ULK2: variants seen among roughly 807,000 people sequenced by gnomAD.
ULK2 encodes the protein serine/threonine-protein kinase ULK2.
ULK2 carries 76 observed loss-of-function variants against 127.5 expected under a neutral mutation model. The ratio of observed to expected loss-of-function variants is 0.60; its 90% confidence interval spans 0.50 to 0.72. The LOEUF (loss-of-function observed/expected upper bound fraction) is 0.72, where lower values mean the gene tolerates loss of function less well. Ranked by LOEUF, ULK2 falls within the 30% of genes least tolerant of loss-of-function variation. The probability of loss-of-function intolerance (pLI) is 0.00; values close to 1 mark genes in which losing one functional copy is unlikely to be tolerated. For synonymous variants in ULK2, 452 were observed against 461.9 expected (o/e 0.98, Z 0.28); for missense variants, 1,144 against 1,295.9 (o/e 0.88, Z 1.80).
chr17:19,793,371 G>A (rs767082926), intron 20 of ULK2, among the ~76,000 whole-genome samples: 20 of 152,074 alleles, frequency 1.3e-4, no homozygotes, highest in East Asian at 3.9e-4. Context: ...ATGGTCAACC[G>A]AGTTTTGACA....
At chr17:19,801,382 G>C (rs2152386452) in intron 16 of ULK2, among the ~76,000 whole-genome samples, 1 of 152,248 alleles carries the variant, frequency 6.6e-6, no homozygotes, top group South Asian at 2.1e-4. Flanking sequence ...AGACCAGCCT[G>C]GGTAACATAG....
rs3884213 is a variant in ULK2 at position 19,823,126 on chromosome 17, A to ATTTTTTTTTT, written c.924+1958_924+1967dup. Reference sequence around the variant, plus strand: ...CAGTCATGCCCAGGCACGCCTGGCTATTTTTTTTTTTTTTTTTTTAGTAGA... The same window carrying ATTTTTTTTTT: ...CAGTCATGCCCAGGCACGCCTGGCTATTTTTTTTTTTTTTTTTTTTTTTTTTTTTAGTAGA... On this transcript the variant is annotated intron_variant, in intron 12 of 26. Transcript: ENST00000395544. Among the ~76,000 whole-genome samples the ATTTTTTTTTT allele has an allele frequency of 3.2e-3, 364 of 113,134 alleles. 39 individuals are homozygous for ATTTTTTTTTT. The highest frequency in any genetic ancestry group is 0.013 in the African/African-American group (344 of 26,242). The allele number at this position is 113,134 out of a possible 152,430, so 74.2% of individuals were successfully genotyped here.
intron 22 of ULK2, among the ~76,000 whole-genome samples, chr17:19,783,166 C>CA (rs2086955546): frequency 6.6e-6 from 1 of 152,084 alleles, no homozygotes; most frequent in Non-Finnish European, 1.5e-5. Context: ...CTGGAACATG[C>CA]AATAGAATGT....
intron 16 of ULK2, among the ~76,000 whole-genome samples, chr17:19,800,593 CTTCT>C (rs1291665273): frequency 1.3e-5 from 2 of 152,100 alleles, no homozygotes; most frequent in East Asian, 3.9e-4. Flanking sequence ...GCAATTTAAA[CTTCT>C]TTCTTTTTCT....
Position 19,780,515 on chromosome 17 carries a change from CTG to C in ULK2, c.2871_2872del (p.Asn957LysfsTer10). 6.2e-7 allele frequency: 1 copy of C among 1,613,634 alleles called. No homozygotes were observed. The highest frequency in any genetic ancestry group is 8.5e-7 in the Non-Finnish European group (1 of 1,179,878). On this transcript the variant is annotated frameshift_variant, in exon 25 of 27. Transcript: ENST00000395544. LOFTEE classifies it high-confidence loss of function. ...ATAGATGAGTTTCTCTGCAGTCACA[CTG>C]TTGATTTCATCAATAAACCTCTGTT... is the stretch of plus-strand genomic sequence containing the variant.
intron 10 of ULK2, among the ~76,000 whole-genome samples, chr17:19,829,190 A>G (rs2041369071): frequency 6.6e-6 from 1 of 152,238 alleles, no homozygotes; most frequent in East Asian, 1.9e-4. Context: ...GGCAAAGTTG[A>G]CTATCAGACA....
rs1322229407 is a variant in ULK2, at chr17:19,816,730, A to C, written c.1096+19T>G. On this transcript the variant is annotated intron_variant, in intron 13 of 26. Transcript: ENST00000395544. ...GTAGATTAAGAAATACAATGTGTAC[A>C]AGTAGAAAAGATTCTCACATGAGTG... 2 of 1,549,042 alleles carry C rather than the reference A, an allele frequency of 1.3e-6. No homozygotes were observed. The highest frequency in any genetic ancestry group is 2.3e-5 in the Admixed American group (1 of 44,418).
Position 19,865,821 on chromosome 17 carries a change from T to C in ULK2, c.98A>G (p.Asp33Gly). The C allele has an allele frequency of 1.3e-6, 2 of 1,556,498 alleles. No individual in the cohort carries two copies. Among genetic ancestry groups the C allele is most frequent in the Non-Finnish European group, 1.8e-6 (2 of 1,138,444 alleles). ...VFRGRHRQKT[D>G]WEVAIKSINK... Reference sequence around the variant, plus strand: ...AATACTTTTAATAGCTACCTCCCAATCAGTTTTCTGAAAAGGAAAAACAGT... The same window carrying C: ...AATACTTTTAATAGCTACCTCCCAACCAGTTTTCTGAAAAGGAAAAACAGT... The change falls in exon 2 of 27, where the codon GAT becomes GGT. Residue 33 changes from aspartate (D) to glycine (G), a missense_variant. Transcript: ENST00000395544.
chr17:19,855,263 G>A (rs2042100354), intron 3 of ULK2, among the ~76,000 whole-genome samples: 1 of 151,960 alleles, frequency 6.6e-6, no homozygotes, highest in Admixed American at 6.6e-5. Context: ...AATTAGCCAG[G>A]CATGGTGGCG....
At chr17:19,776,776 G>T (rs205099) in intron 26 of ULK2, among the ~76,000 whole-genome samples, 1 of 152,200 alleles carries the variant, frequency 6.6e-6, no homozygotes, top group African/African-American at 2.4e-5. Flanking sequence ...TCAATCTCCA[G>T]TCTGCTATCT....
intron 3 of ULK2, among the ~76,000 whole-genome samples, chr17:19,854,581 G>C (rs532360532): frequency 6.6e-6 from 1 of 152,040 alleles, no homozygotes; most frequent in Non-Finnish European, 1.5e-5. Flanking sequence ...GGGATAGCTG[G>C]TTGGGCTTTC....
intron 3 of ULK2, among the ~76,000 whole-genome samples, chr17:19,852,879 T>C (rs578221687): frequency 1.3e-5 from 2 of 152,064 alleles, no homozygotes; most frequent in African/African-American, 4.8e-5. Context: ...CTCAATCTCC[T>C]GACCTCGTGA....
intron 11 of ULK2, among the ~76,000 whole-genome samples, chr17:19,825,726 C>T (rs2041272632): frequency 6.6e-6 from 1 of 150,524 alleles, no homozygotes; most frequent in Non-Finnish European, 1.5e-5. Flanking sequence ...GTGGCTCACA[C>T]CTGTAATTCC....
Position 19,777,692 on chromosome 17 carries a change from T to C in ULK2, c.2941A>G (p.Met981Val), listed in dbSNP as rs2086838157. The change falls in exon 26 of 27, where the codon ATG becomes GTG. Residue 981 changes from methionine (M) to valine (V), a missense_variant. Met to Val is a conservative substitution (Grantham distance 21, BLOSUM62 1). Transcript: ENST00000395544. Reference sequence around the variant, plus strand: ...ACAATATCTTCGGTCTGCTGAAACATCTCATCCAGGGCTGCAGACTGAACC... The same window carrying C: ...ACAATATCTTCGGTCTGCTGAAACACCTCATCCAGGGCTGCAGACTGAACC... ...EMVQSAALDE[M>V]FQQTEDIVYR... is the part of the protein sequence containing the mutation. 6.2e-7 allele frequency: 1 copy of C among 1,613,552 alleles called. No homozygotes were observed. The highest frequency in any genetic ancestry group is 8.5e-7 in the Non-Finnish European group (1 of 1,179,892).
In ULK2 at chr17:19,774,938, T is replaced by A. The variant is rs980649739; in HGVS notation, c.*1411A>T. 6.6e-6 allele frequency: 1 copy of A among 152,650 alleles called. No homozygotes were observed. Among genetic ancestry groups the A allele is most frequent in the East Asian group, 1.9e-4 (1 of 5,202 alleles). The allele number at this position is 152,650 out of a possible 1,614,324, so 9.5% of individuals were successfully genotyped here. On this transcript the variant is annotated 3_prime_UTR_variant, in exon 27 of 27. Coordinates refer to ENST00000395544, the MANE Select transcript of ULK2 (RefSeq NM_014683.4). ...ATAAATAAATGTTCAAATTAACTAC[T>A]GGAATTTCATACAGATAAATAAGGT...
chr17:19,821,966 G>A (rs1232234497), intron 12 of ULK2, among the ~76,000 whole-genome samples: 3 of 149,654 alleles, frequency 2.0e-5, no homozygotes, highest in Admixed American at 6.7e-5. Context: ...GATTACAGGC[G>A]TGAGCAAGCA....
chr17:19,823,254 A>G (rs973189234), intron 12 of ULK2, among the ~76,000 whole-genome samples: 4 of 150,668 alleles, frequency 2.7e-5, no homozygotes, highest in African/African-American at 9.8e-5. Flanking sequence ...AGTTTTTAAC[A>G]TCTAAAAAAG....
In ULK2 at chr17:19,825,120, G is replaced by A; in HGVS notation, c.898C>T (p.Pro300Ser). Residue 300 changes from proline to serine, a missense_variant, in exon 12 of 27, where the codon CCA becomes TCA. Around this residue, in one of 2 missense-constraint regions of ULK2, gnomAD observed 913 missense variants for 970.5 expected, o/e 0.94. Transcript: ENST00000395544. ...GGTGGAGAAGCAAAACGACAAGATG[G>A]AGAGCTGCCACAGGAGCTTCCAGAG... Reference protein sequence around the residue: ...SVSGSSCGSSPSCRFASPPSL... With the variant: ...SVSGSSCGSSSSCRFASPPSL... 6.2e-7 allele frequency: 1 copy of A among 1,614,188 alleles called. No homozygotes were observed. Among genetic ancestry groups the A allele is most frequent in the Non-Finnish European group, 8.5e-7 (1 of 1,180,036 alleles).
intron 3 of ULK2, among the ~76,000 whole-genome samples, chr17:19,863,594 G>A (rs2042290265): frequency 6.6e-6 from 1 of 151,200 alleles, no homozygotes; most frequent in Non-Finnish European, 1.5e-5. Flanking sequence ...GAACTCCTGT[G>A]CTCAAGCGAT....
Sources: gnomAD v4.1 joint callset for allele counts (sites outside exome capture counted in the v4.1 genomes callset) on GRCh38, gnomAD v4.1.1 for gene constraint, gnomAD v4.1.1 regional missense constraint, MANE v1.5 for transcripts, NCBI Gene and HGNC (gene_info 2026-07-23, HGNC 2026-07-21) for gene names.